EXTL3: variants seen among roughly 807,000 people sequenced by gnomAD.
The protein encoded by EXTL3 is exostosin like glycosyltransferase 3.
Under a neutral mutation model 69.3 loss-of-function variants are expected in EXTL3, and 27 were observed. The ratio of observed to expected loss-of-function variants is 0.39; its 90% CI spans 0.29 to 0.54. The LOEUF (loss-of-function observed/expected upper bound fraction) is 0.54, where lower values mean the gene tolerates loss of function less well. EXTL3 is among the 20% of genes least tolerant of loss of function. The probability of loss-of-function intolerance (pLI) is 0.69; values close to 1 mark genes in which losing one functional copy is unlikely to be tolerated. For missense variants in EXTL3, 1,003 were observed against 1,231.8 expected, an observed-to-expected ratio of 0.81 and a Z score of 2.78; for synonymous variants, 511 against 499.4, an observed-to-expected ratio of 1.02 and a Z score of -0.31.
chr8:28,609,930 T>C (rs1585212851), intron 2 of EXTL3, among the ~76,000 whole-genome samples: 1 of 145,666 alleles, frequency 6.9e-6, no homozygotes, highest in Non-Finnish European at 1.5e-5. Flanking sequence ...CCAGATGCAG[T>C]GGTTCATGCC....
intron 3 of EXTL3, among the ~76,000 whole-genome samples, chr8:28,726,698 A>G (rs1174064790): frequency 2.6e-5 from 4 of 151,716 alleles, no homozygotes; most frequent in Non-Finnish European, 4.4e-5. Context: ...TCCAGTTGTG[A>G]CAACCAAAAA....
chr8:28,726,109 C>T (rs1448344598), intron 3 of EXTL3, among the ~76,000 whole-genome samples: 2 of 152,114 alleles, frequency 1.3e-5, no homozygotes, highest in African/African-American at 4.8e-5. Flanking sequence ...GCGCACACCA[C>T]CACGCCCGGC....
At chr8:28,649,006 C>T (rs1563435541) in intron 1 of EXTL3, among the ~76,000 whole-genome samples, 1 of 152,116 alleles carries the variant, frequency 6.6e-6, no homozygotes, top group Non-Finnish European at 1.5e-5. Flanking sequence ...AATTCTCCTG[C>T]CTCTGCCTCC....
At chr8:28,690,641 G>T (rs1274293716) in intron 1 of EXTL3, among the ~76,000 whole-genome samples, 2 of 152,154 alleles carry the variant, frequency 1.3e-5, no homozygotes, top group Non-Finnish European at 2.9e-5. Flanking sequence ...GACTGGGGCT[G>T]GAGGATCTGT....
intron 2 of EXTL3, among the ~76,000 whole-genome samples, chr8:28,612,341 C>A (rs1328997362): frequency 5.3e-5 from 8 of 151,894 alleles, no homozygotes; most frequent in Non-Finnish European, 1.5e-5. Context: ...GTAGTCCCAG[C>A]AACTTGGGAG....
upstream of EXTL3, among the ~76,000 whole-genome samples, chr8:28,622,142 C>T (rs1319292926): frequency 6.6e-6 from 1 of 152,212 alleles, no homozygotes; most frequent in Non-Finnish European, 1.5e-5. Context: ...TTTCTCCCTC[C>T]CCTTGACGTC....
Position 28,731,219 on chromosome 8 carries a change from A to G in EXTL3, c.2149-4A>G, listed in dbSNP as rs200424204. ...TTTTTAATGTTTTTCCTTCCTCATC[A>G]CAGGTGGTCCGTACTGAGAAGAACA... On this transcript the variant is annotated splice_region_variant and splice_polypyrimidine_tract_variant and intron_variant, in intron 3 of 6. Transcript: ENST00000220562. 4 of 1,613,944 alleles carry G rather than the reference A, an allele frequency of 2.5e-6. No individual in the cohort carries two copies. The highest frequency in any genetic ancestry group is 3.4e-6 in the Non-Finnish European group (4 of 1,180,034).
chr8:28,608,629 G>A (rs951380204), intron 2 of EXTL3, among the ~76,000 whole-genome samples: 6 of 152,112 alleles, frequency 3.9e-5, no homozygotes, highest in African/African-American at 7.2e-5. Context: ...TTGGGAGGCC[G>A]AAGCGGGGGG....
At chr8:28,658,711 G>A (rs1396563044) in intron 1 of EXTL3, among the ~76,000 whole-genome samples, 2 of 152,254 alleles carry the variant, frequency 1.3e-5, no homozygotes, top group East Asian at 1.9e-4. Context: ...CTCCTGAGTA[G>A]CTGGGATTAC....
chr8:28,747,101 C>T lies in EXTL3; in HGVS notation c.2551-3556C>T, dbSNP rs117889102. Among the ~76,000 whole-genome samples, 1,162 of 152,284 alleles carry T rather than the reference C, an allele frequency of 7.6e-3. 5 individuals carry two copies. Among genetic ancestry groups the T allele is most frequent in the Middle Eastern group, 0.02 (6 of 294 alleles). Reference sequence around the variant, plus strand: ...AATGTGCAGGTTAAAGGGCATTTCTCCTGGGGTTGGATTCTGGTGTCTGGA... The same window carrying T: ...AATGTGCAGGTTAAAGGGCATTTCTTCTGGGGTTGGATTCTGGTGTCTGGA... On this transcript the variant is annotated intron_variant, in intron 6 of 6. Coordinates refer to ENST00000220562, the MANE Select transcript of EXTL3 (RefSeq NM_001440.4).
intron 1 of EXTL3, among the ~76,000 whole-genome samples, chr8:28,658,537 C>G (rs190769917): frequency 6.6e-6 from 1 of 152,080 alleles, no homozygotes; most frequent in South Asian, 2.1e-4. Context: ...TCCCCCCCTG[C>G]CCCCGCACTT....
At position 28,631,175 on chromosome 8, in the gene EXTL3, A is replaced by G. The variant is rs573238490; in HGVS notation, c.-53+8365A>G. Among the ~76,000 whole-genome samples, 10 of 151,600 alleles carry G rather than the reference A, an allele frequency of 6.6e-5. No homozygotes were observed. In the South Asian group the frequency reaches 2.1e-3, roughly 32 times the overall value. ...TTTTTTTCTGGAGCTAAATCAAGGA[A>G]GGATTATCACGTGGCCTCCCTTGAA... On this transcript the variant is annotated intron_variant, in intron 1 of 6. Coordinates refer to the EXTL3 transcript ENST00000523149.
Position 28,752,093 on chromosome 8 carries a change from G to GGTAT in EXTL3, c.*1230_*1233dup, listed in dbSNP as rs957499386. ...TTGGCTGTAGGACTCCCCGAGGTTT[G>GGTAT]GTATGTGCTAGAACAATGGGAGGCT... On this transcript the variant is annotated 3_prime_UTR_variant, in exon 7 of 7. Coordinates refer to ENST00000220562, the MANE Select transcript of EXTL3 (RefSeq NM_001440.4). The GGTAT allele has an allele frequency of 1.2e-4, 19 of 152,276 alleles. No homozygotes were observed. Among genetic ancestry groups the GGTAT allele is most frequent in the Non-Finnish European group, 2.1e-4 (14 of 68,096 alleles). The allele number at this position is 152,276 out of a possible 1,614,324, so 9.4% of individuals were successfully genotyped here. A position where few individuals can be genotyped will look rare whatever the true frequency, so the allele number is the denominator to read the frequency against.
intron 1 of EXTL3, among the ~76,000 whole-genome samples, chr8:28,710,167 T>C (rs1260536706): frequency 2.0e-5 from 3 of 152,322 alleles, no homozygotes; most frequent in South Asian, 4.1e-4. Context: ...ATAGAAGATG[T>C]GCTTGCTGCC....
In EXTL3 at chr8:28,742,991, A is replaced by T. The variant is rs919611569; in HGVS notation, c.2422-95A>T. The T allele has an allele frequency of 4.3e-6, 6 of 1,404,648 alleles. No homozygotes were observed. In the Admixed American group the frequency reaches 1.0e-4, roughly 24 times the overall value. 87.0% of individuals were successfully genotyped at this position (1,404,648 alleles called of 1,614,324 possible). A position where few individuals can be genotyped will look rare whatever the true frequency, so the allele number is the denominator to read the frequency against. On this transcript the variant is annotated intron_variant, in intron 5 of 6. Coordinates refer to ENST00000220562, the MANE Select transcript of EXTL3 (RefSeq NM_001440.4). ...AGTAATACCTCCTAGTTACTGCCACACCCAAACAGCCCCTCCATCCATGCA... is the reference window on the plus strand; with the variant it reads ...AGTAATACCTCCTAGTTACTGCCACTCCCAAACAGCCCCTCCATCCATGCA...
At chr8:28,718,336 A>T in intron 3 of EXTL3, 129 bp downstream of exon 3, 1 of 923,174 alleles carries the variant, frequency 1.1e-6, no homozygotes, top group Non-Finnish European at 1.7e-6. Flanking sequence ...CTCATGAAAA[A>T]CCTGTATAGA....
At chr8:28,620,546 G>A (rs1169019159), upstream of EXTL3, among the ~76,000 whole-genome samples, 5 of 152,144 alleles carry the variant, frequency 3.3e-5, no homozygotes, top group Non-Finnish European at 5.9e-5. Flanking sequence ...CATTTGGACC[G>A]GAATCCAGGC....
chr8:28,686,700 A>AT (rs1468930161), intron 1 of EXTL3, among the ~76,000 whole-genome samples: 1 of 152,170 alleles, frequency 6.6e-6, no homozygotes, highest in Non-Finnish European at 1.5e-5. Flanking sequence ...AGAAAAATTA[A>AT]CTCTAGGGCA....
At chr8:28,743,296 C>G in intron 6 of EXTL3, 82 bp downstream of exon 6, 1 of 1,476,044 alleles carries the variant, frequency 6.8e-7, no homozygotes, top group Admixed American at 1.7e-5. Flanking sequence ...CGTAACTGCA[C>G]TGTACCTCAG....
Sources: gnomAD v4.1 joint callset for allele counts (sites outside exome capture counted in the v4.1 genomes callset) on GRCh38, gnomAD v4.1.1 for gene constraint, MANE v1.5 for transcripts, NCBI Gene and HGNC (gene_info 2026-07-23, HGNC 2026-07-21) for gene names.